DISP1: variants seen among roughly 807,000 people sequenced by gnomAD.
DISP1 encodes the protein protein dispatched homolog 1.
A neutral mutation model predicts 37.3 loss-of-function variants in DISP1; 30 were observed. The observed-to-expected ratio is 0.80, with a 90% confidence interval of 0.60 to 1.09. DISP1 has a LOEUF of 1.09. DISP1 is among the 50% of genes least tolerant of loss of function. The pLI is 0.00. For synonymous variants in DISP1, 634 were observed against 690.2 expected, an observed-to-expected ratio of 0.92 and a Z score of 1.28; for missense variants, 1,598 against 1,879.5, an observed-to-expected ratio of 0.85 and a Z score of 2.77.
intron 1 of DISP1, among the ~76,000 whole-genome samples, chr1:222,914,669 A>C (rs1341640310): frequency 8.5e-5 from 13 of 152,124 alleles, no homozygotes; most frequent in Admixed American, 8.5e-4. Context: ...AAATAAGTTA[A>C]GATCATAGGC....
chr1:223,002,939 C>T lies in DISP1; in HGVS notation c.1542C>T (p.Val514=), dbSNP rs368376610. The change falls in exon 9 of 9, where the codon GTC becomes GTT. Residue 514 remains valine, a synonymous_variant. Coordinates refer to ENST00000675850, the MANE Select transcript of DISP1 (RefSeq NM_001377229.1). ...TVYPAIAIVI[V]LLVMCVYTKS... is the part of the protein sequence containing the mutation. ...ATCCTGCCATAGCCATTGTGATTGTCCTTTTAGTTATGTGTGTCTACACCA... is the reference window on the plus strand; with the variant it reads ...ATCCTGCCATAGCCATTGTGATTGTTCTTTTAGTTATGTGTGTCTACACCA... 1.1e-5 allele frequency: 17 copies of T among 1,613,810 alleles called. No homozygotes were observed. Among genetic ancestry groups the T allele is most frequent in the Non-Finnish European group, 1.4e-5 (17 of 1,180,022 alleles).
chr1:223,003,218 C>G lies in DISP1; in HGVS notation c.1821C>G (p.Ser607=), dbSNP rs1679610474. 6.2e-7 allele frequency: 1 copy of G among 1,614,232 alleles called. No homozygotes were observed. Among genetic ancestry groups the G allele is most frequent in the Middle Eastern group, 1.6e-4 (1 of 6,062 alleles). The part of the protein sequence containing the change: ...VSITLQHAAL[S]MFVTSFTTAA... ...TCACCTTGCAGCACGCTGCCCTCTC[C>G]ATGTTCGTCACCAGTTTTACCACTG... Residue 607 remains serine (S), a synonymous_variant, in exon 9 of 9, where the codon TCC becomes TCG. Transcript: ENST00000675850. The surrounding 1 kb of genome is among the most constrained non-coding windows in gnomAD (Gnocchi z 4.3).
intron 3 of DISP1, among the ~76,000 whole-genome samples, chr1:222,968,653 G>A (rs1216925886): frequency 6.6e-6 from 1 of 152,124 alleles, no homozygotes; most frequent in Admixed American, 6.5e-5. Context: ...CAGAGCTTTG[G>A]CTGGGCATGG....
intron 1 of DISP1, among the ~76,000 whole-genome samples, chr1:222,819,323 T>C (rs1182695271): frequency 1.3e-5 from 2 of 152,098 alleles, no homozygotes; most frequent in African/African-American, 4.8e-5. Context: ...AGGTAGTTCT[T>C]TATAGCTGTG....
intron 1 of DISP1, among the ~76,000 whole-genome samples, chr1:222,816,222 T>C (rs936453723): frequency 1.3e-5 from 2 of 152,094 alleles, no homozygotes; most frequent in Non-Finnish European, 2.9e-5. Context: ...GGCTCATTAT[T>C]ATTACCAAAG....
At chr1:222,856,711 T>TG (rs201231902) in intron 1 of DISP1, among the ~76,000 whole-genome samples, 2 of 150,154 alleles carry the variant, frequency 1.3e-5, no homozygotes, top group Non-Finnish European at 3.0e-5. Flanking sequence ...AATTCGTTTT[T>TG]TTTTTTTTTT....
intron 3 of DISP1, 143 bp from the exon 4 acceptor site, chr1:222,982,937 C>CG: frequency 1.6e-6 from 1 of 632,210 alleles, no homozygotes; most frequent in Non-Finnish European, 2.7e-6. Context: ...AAATAGATTG[C>CG]CTTTTTTTTT....
chr1:222,842,061 G>A (rs559418280), intron 1 of DISP1, among the ~76,000 whole-genome samples: 20 of 152,202 alleles, frequency 1.3e-4, no homozygotes, highest in African/African-American at 4.6e-4. Flanking sequence ...GAGTGTTTCT[G>A]TTCCTTACCT....
chr1:222,887,374 A>C (rs1670653631), intron 1 of DISP1, among the ~76,000 whole-genome samples: 1 of 152,124 alleles, frequency 6.6e-6, no homozygotes, highest in Non-Finnish European at 1.5e-5. Context: ...GAGATAAAGA[A>C]ACTCGTATTT....
In DISP1 at chr1:222,902,746, A is replaced by T. The variant is rs1268071896; in HGVS notation, c.-158-25684A>T. Among the ~76,000 whole-genome samples, 6 of 152,212 alleles carry T rather than the reference A, an allele frequency of 3.9e-5. No individual in the cohort carries two copies. The South Asian group carries it at 1.2e-3, about 32-fold the overall frequency. On this transcript the variant is annotated intron_variant, in intron 1 of 8. Coordinates refer to ENST00000675850, the MANE Select transcript of DISP1 (RefSeq NM_001377229.1). The stretch of plus-strand genomic sequence containing the variant: ...GAGAGAAATGTAAATCAAAACCACG[A>T]TAAGATACCATCTCACACCAGTTAG...
chr1:222,988,469 G>C (rs146738277), intron 4 of DISP1, among the ~76,000 whole-genome samples: 1 of 152,248 alleles, frequency 6.6e-6, no homozygotes, highest in East Asian at 1.9e-4. Flanking sequence ...AAGGGTTGTT[G>C]TGAGAATTGA....
chr1:222,883,159 A>G (rs1242571901), intron 1 of DISP1, among the ~76,000 whole-genome samples: 1 of 152,194 alleles, frequency 6.6e-6, no homozygotes, highest in African/African-American at 2.4e-5. Flanking sequence ...TTGGTAATAC[A>G]ATTTAAGTAT....
intron 1 of DISP1, among the ~76,000 whole-genome samples, chr1:222,870,895 G>A (rs1669527717): frequency 6.6e-6 from 1 of 152,118 alleles, no homozygotes; most frequent in African/African-American, 2.4e-5. Context: ...TATTGCCTAG[G>A]TTTTCTTCTA....
At chr1:222,833,987 G>T (rs908249486) in intron 1 of DISP1, among the ~76,000 whole-genome samples, 5 of 152,108 alleles carry the variant, frequency 3.3e-5, no homozygotes. Context: ...AGTGTCCTTG[G>T]TACATGGTGA....
At chr1:222,960,806 T>C (rs1675999682) in intron 3 of DISP1, among the ~76,000 whole-genome samples, 1 of 151,740 alleles carries the variant, frequency 6.6e-6, no homozygotes. Context: ...TCCACAGAAA[T>C]ACAAACTACC....
intron 1 of DISP1, among the ~76,000 whole-genome samples, chr1:222,868,625 C>G (rs572483447): frequency 6.6e-6 from 1 of 152,036 alleles, no homozygotes; most frequent in East Asian, 1.9e-4. Context: ...GTATTAATGA[C>G]TTTTTAAAAT....
chr1:222,826,313 T>C (rs893961269), intron 1 of DISP1, among the ~76,000 whole-genome samples: 12 of 151,930 alleles, frequency 7.9e-5, no homozygotes, highest in African/African-American at 2.9e-4. Flanking sequence ...GACTGTAACC[T>C]GATTATTAGT....
intron 1 of DISP1, among the ~76,000 whole-genome samples, chr1:222,834,055 GCA>G (rs770993343): frequency 7.9e-5 from 12 of 152,168 alleles, no homozygotes; most frequent in Non-Finnish European, 1.5e-4. Context: ...CAACAGTAAG[GCA>G]CAGATTTTTA....
Position 223,005,157 on chromosome 1 carries a change from C to T in DISP1, c.3760C>T (p.Pro1254Ser), listed in dbSNP as rs1228265904. 1 of 1,614,168 alleles carries T rather than the reference C, an allele frequency of 6.2e-7. No individual in the cohort carries two copies. Among genetic ancestry groups the T allele is most frequent in the Non-Finnish European group, 8.5e-7 (1 of 1,180,018 alleles). Residue 1254 changes from proline (P) to serine (S), a missense_variant, in exon 9 of 9, where the codon CCC becomes TCC. Coordinates refer to ENST00000675850, the MANE Select transcript of DISP1 (RefSeq NM_001377229.1). ...ESDAGSALLQ[P>S]PLEQHTVCHF... Reference sequence around the variant, plus strand: ...TGACGCTGGCTCTGCCTTGTTACAGCCCCCTCTTGAACAGCATACCGTGTG... The same window carrying T: ...TGACGCTGGCTCTGCCTTGTTACAGTCCCCTCTTGAACAGCATACCGTGTG...
Sources: gnomAD v4.1 joint callset for allele counts (sites outside exome capture counted in the v4.1 genomes callset) on GRCh38, gnomAD v4.1.1 for gene constraint, Gnocchi (gnomAD v3.1) non-coding constraint, MANE v1.5 for transcripts, NCBI Gene and HGNC (gene_info 2026-07-23, HGNC 2026-07-21) for gene names.